Variants in OIT3 observed in about 807,000 individuals in gnomAD.
The protein encoded by OIT3 is oncoprotein-induced transcript 3 protein.
A neutral mutation model predicts 52.2 loss-of-function variants in OIT3; 41 were observed. That is an observed-to-expected ratio of 0.79 (90% CI 0.61 to 1.02). The LOEUF (loss-of-function observed/expected upper bound fraction) is 1.02. Among genes scored for constraint, OIT3 ranks in the 50% least tolerant of loss-of-function variants. OIT3 has a pLI of 0.00. For synonymous variants in OIT3, 244 were observed against 276.9 expected (o/e 0.88, Z 1.18); for missense variants, 634 against 715.5 (o/e 0.89, Z 1.30).
rs184627107 is a variant in OIT3, at chr10:72,928,656, G to A, written c.1368-1882G>A. ...TTATGTCCTCTGCAGCAACCAGCAG[G>A]GTGTCTTGCATAGATTAGGTATGCC... On this transcript the variant is annotated intron_variant, in intron 7 of 8. Transcript: ENST00000334011. Among the ~76,000 whole-genome samples, 348 of 152,080 alleles carry A rather than the reference G, an allele frequency of 2.3e-3. 1 individual carries two copies. The highest frequency in any genetic ancestry group is 3.4e-3 in the Middle Eastern group (1 of 294).
At chr10:72,911,020 T>C (rs1473360607) in intron 4 of OIT3, among the ~76,000 whole-genome samples, 1 of 152,240 alleles carries the variant, frequency 6.6e-6, no homozygotes, top group Non-Finnish European at 1.5e-5. Flanking sequence ...AATCACCTTG[T>C]AGATTCTTTT....
chr10:72,912,014 C>T (rs759309121), intron 5 of OIT3, among the ~76,000 whole-genome samples, 175 bp downstream of exon 5: 37 of 152,138 alleles, frequency 2.4e-4, no homozygotes, highest in Non-Finnish European at 4.4e-4. Context: ...GAGAAGATCT[C>T]TAAGAAAAGA....
In OIT3 at chr10:72,893,746, G is replaced by C. The variant is rs1361846275; in HGVS notation, c.-53G>C. On this transcript the variant is annotated 5_prime_UTR_variant, in exon 1 of 9. Transcript: ENST00000334011. ...GTGCTTGAAAGAGAAGGGGACAAAG[G>C]AACACCAGTATTAAGAGGATTTTCC... 6.7e-7 allele frequency: 1 copy of C among 1,489,482 alleles called. No individual in the cohort carries two copies. The highest frequency in any genetic ancestry group is 9.2e-7 in the Non-Finnish European group (1 of 1,089,272). 92.3% of individuals were successfully genotyped at this position (1,489,482 alleles called of 1,614,324 possible). A position where few individuals can be genotyped will look rare whatever the true frequency, so the allele number is the denominator to read the frequency against.
intron 6 of OIT3, among the ~76,000 whole-genome samples, chr10:72,914,880 A>T (rs554502492): frequency 5.2e-4 from 77 of 149,500 alleles, no homozygotes; most frequent in East Asian, 1.2e-3. Flanking sequence ...TTTTTTTTTT[A>T]AATTTTGAGA....
intron 8 of OIT3, among the ~76,000 whole-genome samples, chr10:72,931,724 G>C (rs745674539): frequency 3.3e-5 from 5 of 152,214 alleles, no homozygotes; most frequent in African/African-American, 4.8e-5. Context: ...ATTTAATGTA[G>C]TGAGATAAGC....
At chr10:72,899,077 G>A (rs757091116) in intron 2 of OIT3, 39 bp downstream of exon 2, 1 of 1,551,720 alleles carries the variant, frequency 6.4e-7, no homozygotes, top group African/African-American at 1.4e-5. Context: ...CCACCAACAA[G>A]GCCACAGGTG....
intron 1 of OIT3, among the ~76,000 whole-genome samples, chr10:72,896,640 T>C (rs1845877274): frequency 6.6e-6 from 1 of 152,240 alleles, no homozygotes; most frequent in Non-Finnish European, 1.5e-5. Flanking sequence ...AACTTAACTT[T>C]GAATTGTGGA....
chr10:72,898,067 G>A (rs1845892132), intron 1 of OIT3, among the ~76,000 whole-genome samples: 1 of 151,082 alleles, frequency 6.6e-6, no homozygotes, highest in Admixed American at 6.6e-5. Context: ...AGGATCACTT[G>A]AGCCCAGGAG....
intron 3 of OIT3, among the ~76,000 whole-genome samples, chr10:72,906,307 G>A (rs2394931): frequency 0.25 from 37,968 of 152,162 alleles, 10,990 homozygotes; most frequent in African/African-American, 0.71. Flanking sequence ...AATACAAATA[G>A]GTAGGTGTAC....
intron 4 of OIT3, among the ~76,000 whole-genome samples, chr10:72,910,362 C>G (rs964880658): frequency 1.3e-5 from 2 of 152,090 alleles, no homozygotes; most frequent in African/African-American, 4.8e-5. Context: ...TAAAAATACA[C>G]AGATGTATAA....
intron 6 of OIT3, among the ~76,000 whole-genome samples, chr10:72,921,765 A>G (rs1846123898): frequency 6.6e-6 from 1 of 150,488 alleles, no homozygotes; most frequent in African/African-American, 2.4e-5. Context: ...TCTGCCTCCC[A>G]GGTTCAAGCG....
At chr10:72,900,591 C>T in intron 3 of OIT3, 107 bp downstream of exon 3, 1 of 649,482 alleles carries the variant, frequency 1.5e-6, no homozygotes. Flanking sequence ...TGTCTCCAAA[C>T]ACTTGGAATG....
At chr10:72,894,329 AGTG>A (rs1399335288) in intron 1 of OIT3, among the ~76,000 whole-genome samples, 3 of 152,316 alleles carry the variant, frequency 2.0e-5, no homozygotes, top group Non-Finnish European at 4.4e-5. Context: ...GCACAGATCG[AGTG>A]AATCTTAAAT....
intron 6 of OIT3, chr10:72,918,509 A>G: frequency 7.1e-7 from 1 of 1,407,346 alleles, no homozygotes; most frequent in Non-Finnish European, 9.9e-7. Flanking sequence ...CAGGAGGCTC[A>G]TGTCCATGTC....
In OIT3 at chr10:72,924,481, C is replaced by A. The variant is rs148588946; in HGVS notation, c.1204C>A (p.Pro402Thr). ...EIFKDNEFEE[P>T]YREALPTLKL... Reference sequence around the variant, plus strand: ...CTTCAAGGACAATGAGTTTGAAGAGCCTTACCGGGAAGCTCTGCCCACCCT... The same window carrying A: ...CTTCAAGGACAATGAGTTTGAAGAGACTTACCGGGAAGCTCTGCCCACCCT... Residue 402 changes from proline (P) to threonine (T), a missense_variant, in exon 7 of 9, where the codon CCT becomes ACT. Physicochemically the swap from Pro to Thr is conservative, Grantham distance 38. Transcript: ENST00000334011. 6.8e-6 allele frequency: 11 copies of A among 1,614,042 alleles called. No individual in the cohort carries two copies. Among genetic ancestry groups the A allele is most frequent in the Non-Finnish European group, 9.3e-6 (11 of 1,180,018 alleles).
intron 6 of OIT3, among the ~76,000 whole-genome samples, chr10:72,923,950 G>C (rs905553735): frequency 2.0e-5 from 3 of 152,158 alleles, no homozygotes; most frequent in African/African-American, 7.2e-5. Context: ...GGAGGCCCCA[G>C]TTGGGAGGTC....
At chr10:72,925,702 C>T (rs545844807) in intron 7 of OIT3, among the ~76,000 whole-genome samples, 1 of 152,224 alleles carries the variant, frequency 6.6e-6, no homozygotes, top group East Asian at 1.9e-4. Flanking sequence ...AACCTTGATC[C>T]TCAGGCTCAA....
chr10:72,926,429 A>T lies in OIT3; in HGVS notation c.1367+1785A>T, dbSNP rs527673864. Among the ~76,000 whole-genome samples the T allele has an allele frequency of 2.8e-4, 43 of 152,332 alleles. 2 individuals are homozygous for T. In the East Asian group the frequency reaches 3.7e-3, roughly 13 times the overall value. ...CACCTTCATTATCTTTCACCTGGAC[A>T]GCAAAGCAGCCTCTTAACACAGCCT... On this transcript the variant is annotated intron_variant, in intron 7 of 8. Transcript: ENST00000334011.
chr10:72,899,651 T>C (rs1845910832), intron 2 of OIT3, among the ~76,000 whole-genome samples: 2 of 151,398 alleles, frequency 1.3e-5, no homozygotes, highest in Non-Finnish European at 1.5e-5. Flanking sequence ...ATTATCTAAA[T>C]GGTGGATTTC....
Sources: gnomAD v4.1 joint callset for allele counts (sites outside exome capture counted in the v4.1 genomes callset) on GRCh38, gnomAD v4.1.1 for gene constraint, MANE v1.5 for transcripts, NCBI Gene and HGNC (gene_info 2026-07-23, HGNC 2026-07-21) for gene names.